The following DLGAP1 variants were observed in gnomAD, a reference collection of about 807,000 sequenced individuals.
DLGAP1 encodes disks large-associated protein 1.
Under a neutral mutation model 90.8 loss-of-function variants are expected in DLGAP1, and 11 were observed. The ratio of observed to expected loss-of-function variants is 0.12; its 90% CI spans 0.08 to 0.20. The LOEUF is 0.20. Among genes scored for constraint, DLGAP1 ranks in the 10% least tolerant of loss-of-function variants. The pLI is 1.00. For synonymous variants in DLGAP1, 558 were observed against 540.7 expected (o/e 1.03, Z -0.44); for missense variants, 1,050 against 1,333.8 (o/e 0.79, Z 3.31).
intron 7 of DLGAP1, among the ~76,000 whole-genome samples, chr18:3,634,576 T>C (rs2058632604): frequency 6.6e-6 from 1 of 152,366 alleles, no homozygotes; most frequent in South Asian, 2.1e-4. Flanking sequence ...ATGTAAATTA[T>C]ATTGAGAATA....
chr18:4,060,551 A>G (rs56034414), intron 2 of DLGAP1, among the ~76,000 whole-genome samples: 23,779 of 152,168 alleles, frequency 0.16, 2,209 homozygotes, highest in East Asian at 0.35. Context: ...CTCTAGTGAA[A>G]ATCAAACTGA....
At chr18:3,840,835 G>T (rs2068673099) in intron 4 of DLGAP1, among the ~76,000 whole-genome samples, 1 of 152,238 alleles carries the variant, frequency 6.6e-6, no homozygotes, top group Non-Finnish European at 1.5e-5. Flanking sequence ...GGTAGAAAGA[G>T]CATTCAAATC....
chr18:4,377,103 C>T lies in DLGAP1; in HGVS notation c.-267+77903G>A, dbSNP rs991530406. On this transcript the variant is annotated intron_variant, in intron 1 of 12. Transcript: ENST00000315677. ...TACAAGCCAGGCATTTCCAAGAGCT[C>T]GGAAGTCACTGTTATGCATTTCCCA... 5.9e-5 allele frequency among the ~76,000 whole-genome samples: 9 copies of T among 152,140 alleles called. 1 individual carries two copies. Among genetic ancestry groups the T allele is most frequent in the East Asian group, 3.9e-4 (2 of 5,176 alleles).
At chr18:4,034,056 T>TC (rs1158053601) in intron 2 of DLGAP1, among the ~76,000 whole-genome samples, 2 of 146,284 alleles carry the variant, frequency 1.4e-5, no homozygotes, top group Non-Finnish European at 3.0e-5. Context: ...TTTTTTTTTT[T>TC]CTGAGATGGA....
intron 7 of DLGAP1, among the ~76,000 whole-genome samples, chr18:3,638,268 G>A (rs2058798515): frequency 8.9e-6 from 1 of 112,600 alleles, no homozygotes; most frequent in Non-Finnish European, 1.8e-5. Context: ...TTTTTTTTGA[G>A]GCAGTGTTTC....
intron 1 of DLGAP1, among the ~76,000 whole-genome samples, chr18:4,448,859 C>T (rs564082406): frequency 6.6e-6 from 1 of 152,194 alleles, no homozygotes; most frequent in Non-Finnish European, 1.5e-5. Context: ...TACGTACCTA[C>T]ATAGAGATCA....
At chr18:4,350,852 A>T (rs1215648838) in intron 1 of DLGAP1, among the ~76,000 whole-genome samples, 1 of 152,146 alleles carries the variant, frequency 6.6e-6, no homozygotes. Flanking sequence ...TTACCAAAAC[A>T]TTATTAGAAT....
chr18:3,905,457 C>T (rs1018532147), intron 3 of DLGAP1, among the ~76,000 whole-genome samples: 4 of 151,136 alleles, frequency 2.6e-5, no homozygotes, highest in Admixed American at 2.0e-4. Flanking sequence ...GGGAAGTCAC[C>T]CTTATCAATA....
chr18:3,637,368 G>A (rs982592834), intron 7 of DLGAP1, among the ~76,000 whole-genome samples: 2 of 151,980 alleles, frequency 1.3e-5, no homozygotes, highest in Admixed American at 1.3e-4. Flanking sequence ...AACACGTTTA[G>A]TTTATTTGGT....
At chr18:4,279,082 A>G (rs1421797729) in intron 1 of DLGAP1, among the ~76,000 whole-genome samples, 6 of 152,248 alleles carry the variant, frequency 3.9e-5, no homozygotes, top group Non-Finnish European at 8.8e-5. Flanking sequence ...GGCAATGGTT[A>G]CATGGGCAAT....
intron 2 of DLGAP1, among the ~76,000 whole-genome samples, chr18:4,010,168 G>A (rs1237173349): frequency 6.6e-6 from 1 of 152,196 alleles, no homozygotes; most frequent in Non-Finnish European, 1.5e-5. Flanking sequence ...TTCTTAATCT[G>A]ATGTTACTTT....
At chr18:4,331,776 C>T (rs1017972101) in intron 1 of DLGAP1, among the ~76,000 whole-genome samples, 8 of 151,904 alleles carry the variant, frequency 5.3e-5, no homozygotes, top group Non-Finnish European at 1.2e-4. Context: ...TCTGCTATTG[C>T]CTCTGCCTGG....
At chr18:3,900,517 A>T (rs1441888982) in intron 3 of DLGAP1, among the ~76,000 whole-genome samples, 1 of 152,212 alleles carries the variant, frequency 6.6e-6, no homozygotes, top group African/African-American at 2.4e-5. Context: ...TTGCTCAGCA[A>T]CTACCCCAAT....
In DLGAP1 at chr18:3,568,498, C is replaced by T. The variant is rs150972257; in HGVS notation, c.1966-917G>A. Among the ~76,000 whole-genome samples the T allele has an allele frequency of 3.9e-3, 585 of 151,896 alleles. 5 individuals are homozygous for T. Among genetic ancestry groups the T allele is most frequent in the African/African-American group, 0.013 (526 of 41,436 alleles). ...AATTTTAGAATTATTAGGTTTATTC[C>T]GTTTTCCTACTATGTGTTTAAGAAA... On this transcript the variant is annotated intron_variant, in intron 8 of 12. Transcript: ENST00000315677.
intron 3 of DLGAP1, among the ~76,000 whole-genome samples, chr18:3,922,448 T>G (rs1457634799): frequency 6.6e-6 from 1 of 152,178 alleles, no homozygotes; most frequent in African/African-American, 2.4e-5. Context: ...TCTCTAGGGA[T>G]AAAGGAAAAA....
intron 10 of DLGAP1, among the ~76,000 whole-genome samples, chr18:3,528,344 C>T (rs1222769767): frequency 6.6e-6 from 1 of 152,150 alleles, no homozygotes; most frequent in Non-Finnish European, 1.5e-5. Context: ...TACCGCCCCT[C>T]TTACAAAAAA....
intron 5 of DLGAP1, among the ~76,000 whole-genome samples, chr18:3,813,264 C>A (rs1421239886): frequency 6.6e-6 from 1 of 152,144 alleles, no homozygotes; most frequent in Non-Finnish European, 1.5e-5. Context: ...TTTACATAAA[C>A]AAATACTTAC....
chr18:3,711,094 G>A lies in DLGAP1; in HGVS notation c.1591+18041C>T, dbSNP rs1462678863. Among the ~76,000 whole-genome samples the A allele has an allele frequency of 2.0e-5, 3 of 152,200 alleles. No individual in the cohort carries two copies. Among genetic ancestry groups the A allele is most frequent in the Non-Finnish European group, 2.9e-5 (2 of 68,032 alleles). Reference sequence around the variant, plus strand: ...GGAAGTCAGAGAGCCAGGAGGGGCCGCCCTGGGCAAGGTCTGGCAGAGACT... The same window carrying A: ...GGAAGTCAGAGAGCCAGGAGGGGCCACCCTGGGCAAGGTCTGGCAGAGACT... On this transcript the variant is annotated intron_variant, in intron 7 of 12. Coordinates refer to ENST00000315677, the MANE Select transcript of DLGAP1 (RefSeq NM_004746.4). This position sits in a 1 kb window ranked among gnomAD's most constrained non-coding sequence, Gnocchi z 4.0.
rs377005496 is a variant in DLGAP1 at position 3,955,662 on chromosome 18, C to T, written c.-73+49454G>A. Among the ~76,000 whole-genome samples the T allele has an allele frequency of 1.4e-3, 208 of 150,938 alleles. 3 individuals are homozygous for T. The South Asian group carries it at 0.019, about 14-fold the overall frequency. On this transcript the variant is annotated intron_variant, in intron 3 of 12. Coordinates refer to ENST00000315677, the MANE Select transcript of DLGAP1 (RefSeq NM_004746.4). ...CCAGGAGGTAGAGGTTGTGGTGAGC[C>T]GAGATCGTGCCATTGCACTCCACCC...
Sources: allele counts gnomAD v4.1 joint callset (sites outside exome capture counted in the v4.1 genomes callset), GRCh38; gene constraint gnomAD v4.1.1; non-coding constraint Gnocchi (gnomAD v3.1); transcripts MANE v1.5; gene names NCBI Gene and HGNC (gene_info 2026-07-23, HGNC 2026-07-21).